CREBBP: variants seen among roughly 807,000 people sequenced by gnomAD.
CREBBP encodes the protein CREB binding lysine acetyltransferase.
In CREBBP, 19 loss-of-function variants were observed where a neutral mutation model predicts 265.0. That is an observed-to-expected ratio of 0.07 (90% confidence interval 0.05 to 0.11). The LOEUF (loss-of-function observed/expected upper bound fraction) is 0.11. Among genes scored for constraint, CREBBP ranks in the 10% least tolerant of loss-of-function variants. CREBBP has a pLI of 1.00. For synonymous variants in CREBBP, 1,457 were observed against 1,223.7 expected, an observed-to-expected ratio of 1.19 and a Z score of -3.98; for missense variants, 2,525 against 3,219.0, an observed-to-expected ratio of 0.78 and a Z score of 5.22.
intron 22 of CREBBP, 76 bp from the exon 23 acceptor site, chr16:3,745,037 ATAGT>A (rs2052308347): frequency 2.6e-6 from 3 of 1,136,200 alleles, no homozygotes; most frequent in Non-Finnish European, 4.0e-6. Context: ...CAGCATTCAG[ATAGT>A]TTGTTGGCAG....
intron 3 of CREBBP, among the ~76,000 whole-genome samples, chr16:3,808,146 G>T (rs2053867128): frequency 7.4e-6 from 1 of 135,522 alleles, no homozygotes. Context: ...GGAGAGGGAG[G>T]GATGAAAGAA....
Position 3,777,626 on chromosome 16 carries a change from C to G in CREBBP, c.2145G>C (p.Met715Ile), listed in dbSNP as rs1596906269. The change falls in exon 11 of 31, where the codon ATG becomes ATC. Residue 715 changes from methionine (M) to isoleucine (I), a missense_variant. Met to Ile is a conservative substitution (Grantham distance 10, BLOSUM62 1). This residue lies in a region of CREBBP where 548 missense variants were observed against 533.0 expected (regional missense o/e 1.03). Transcript: ENST00000262367. ...ACAGTTCAATACCTTGAGAAACTTGCATGCGATTCACTGGCAGGGACAGGG... is the reference window on the plus strand; with the variant it reads ...ACAGTTCAATACCTTGAGAAACTTGGATGCGATTCACTGGCAGGGACAGGG... ...NGPLSLPVNR[M>I]QVSQGMNSFN... 2 of 1,614,136 alleles carry G rather than the reference C, an allele frequency of 1.2e-6. No individual in the cohort carries two copies. Among genetic ancestry groups the G allele is most frequent in the Non-Finnish European group, 8.5e-7 (1 of 1,180,022 alleles).
chr16:3,830,493 G>T (rs1261542943), intron 2 of CREBBP, among the ~76,000 whole-genome samples: 1 of 151,870 alleles, frequency 6.6e-6, no homozygotes, highest in African/African-American at 2.4e-5. Context: ...TAAAGACAAA[G>T]AATATTAACA....
At position 3,782,919 on chromosome 16, in the gene CREBBP, C is replaced by A. The variant is rs767289235; in HGVS notation, c.1338G>T (p.Leu446=). ...TTTGAATTCCACTAGCTGGAGACCC[C>A]AGGATGGCTATAACGACAAACAGAC... ...ASDKRNQQTI[L]GSPASGIQNT... Residue 446 remains leucine, a synonymous_variant, in exon 6 of 31, where the codon CTG becomes CTT. Coordinates refer to ENST00000262367, the MANE Select transcript of CREBBP (RefSeq NM_004380.3). The A allele has an allele frequency of 2.5e-6, 4 of 1,614,118 alleles. No homozygotes were observed. The Admixed American group carries it at 6.7e-5, about 27-fold the overall frequency.
intron 3 of CREBBP, among the ~76,000 whole-genome samples, chr16:3,805,555 A>T (rs895327889): frequency 6.6e-6 from 1 of 152,244 alleles, no homozygotes; most frequent in Non-Finnish European, 1.5e-5. Flanking sequence ...GACAACAGAG[A>T]GAGATCCTGG....
In CREBBP at chr16:3,728,426, TTGCTGCTGCTGTTGC is replaced by T. The variant is rs1555470941; in HGVS notation, c.6606_6620del (p.Gln2212_Gln2216del). 2.5e-6 allele frequency: 4 copies of T among 1,612,398 alleles called. No homozygotes were observed. The highest frequency in any genetic ancestry group is 1.1e-5 in the South Asian group (1 of 90,944). ...GCTGCTGCTGCTGTTGCTGCTGTTG[TTGCTGCTGCTGTTGC>T]TGCTGCTGCTGCAGCAGCTGCCTCC... On this transcript the variant is annotated inframe_deletion, in exon 31 of 31. Transcript: ENST00000262367. The surrounding 1 kb of genome is among the most constrained non-coding windows in gnomAD (Gnocchi z 8.7).
At chr16:3,851,064 A>C in intron 1 of CREBBP, 55 bp from the exon 2 acceptor site, 2 of 1,450,932 alleles carry the variant, frequency 1.4e-6, no homozygotes, top group Non-Finnish European at 1.9e-6. Context: ...ACAGCTCTCC[A>C]ACTGCCACGT....
chr16:3,855,602 T>C lies in CREBBP; in HGVS notation c.86-4593A>G, dbSNP rs573108277. Among the ~76,000 whole-genome samples the C allele has an allele frequency of 2.4e-4, 37 of 152,336 alleles. 1 individual carries two copies. In the South Asian group the frequency reaches 5.8e-3, roughly 24 times the overall value. On this transcript the variant is annotated intron_variant, in intron 1 of 30. Coordinates refer to ENST00000262367, the MANE Select transcript of CREBBP (RefSeq NM_004380.3). ...TTTGAAGAATAGAGGCCAGTTGTTA[T>C]TGTAGAAGGTCCTTCAATTTGGGGT...
In CREBBP at chr16:3,744,947, T is replaced by C. The variant is rs558051943; in HGVS notation, c.3929A>G (p.Asn1310Ser). ...AGGTCTGCCAGTTTTCTTCAAGCAGTTGTCGCACACAAAACTGCAAAATAA... is the reference window on the plus strand; with the variant it reads ...AGGTCTGCCAGTTTTCTTCAAGCAGCTGTCGCACACAAAACTGCAAAATAA... The part of the protein sequence containing the change: ...IIWPSGFVCD[N>S]CLKKTGRPRK... Residue 1310 changes from asparagine (N) to serine (S), a missense_variant, in exon 23 of 31, where the codon AAC (asparagine) becomes AGC (serine). Asn to Ser is a conservative substitution (Grantham distance 46). Around this residue, in one of 19 missense-constraint regions of CREBBP, gnomAD observed 252 missense variants for 452.5 expected, o/e 0.56. Transcript: ENST00000262367. 2.9e-5 allele frequency: 47 copies of C among 1,613,870 alleles called. No homozygotes were observed. The highest frequency in any genetic ancestry group is 2.5e-4 in the East Asian group (11 of 44,888).
chr16:3,818,128 T>C (rs1229067889), intron 2 of CREBBP, among the ~76,000 whole-genome samples: 1 of 151,940 alleles, frequency 6.6e-6, no homozygotes, highest in Non-Finnish European at 1.5e-5. Flanking sequence ...AAGAAGGGGT[T>C]GACCATAACC....
intron 3 of CREBBP, among the ~76,000 whole-genome samples, chr16:3,799,066 G>A (rs2053662099): frequency 6.6e-6 from 1 of 152,218 alleles, no homozygotes; most frequent in Non-Finnish European, 1.5e-5. Context: ...AAAGAAGCCA[G>A]TCACAAAAGA....
At position 3,777,657 on chromosome 16, in the gene CREBBP, T is replaced by C. The variant is rs1474330488; in HGVS notation, c.2114A>G (p.Asn705Ser). 5.0e-6 allele frequency: 8 copies of C among 1,613,956 alleles called. No homozygotes were observed. Among genetic ancestry groups the C allele is most frequent in the East Asian group, 4.5e-5 (2 of 44,904 alleles). ...ATTCACTGGCAGGGACAGGGGTCCA[T>C]CTATGGTGGCAAAACAAAAACAAAA... The part of the protein sequence containing the change: ...IPQAQPVRPP[N>S]GPLSLPVNRM... The change falls in exon 11 of 31, where the codon AAT becomes AGT. Residue 705 changes from asparagine (N) to serine (S), a missense_variant and splice_region_variant. Asn to Ser is a conservative substitution (Grantham distance 46). This residue lies in a region of CREBBP where 548 missense variants were observed against 533.0 expected (regional missense o/e 1.03). Coordinates refer to ENST00000262367, the MANE Select transcript of CREBBP (RefSeq NM_004380.3).
At chr16:3,859,261 T>C (rs1479825222) in intron 1 of CREBBP, among the ~76,000 whole-genome samples, 4 of 152,160 alleles carry the variant, frequency 2.6e-5, no homozygotes, top group Admixed American at 1.3e-4. Flanking sequence ...GGCACGATCT[T>C]GGCTCACTGC....
In CREBBP at chr16:3,793,403, G is replaced by C. The variant is rs2141285194; in HGVS notation, c.1199C>G (p.Ala400Gly). 6.2e-7 allele frequency: 1 copy of C among 1,614,044 alleles called. No homozygotes were observed. The highest frequency in any genetic ancestry group is 8.5e-7 in the Non-Finnish European group (1 of 1,179,986). The change falls in exon 4 of 31, where the codon GCT becomes GGT. Residue 400 changes from alanine (A) to glycine (G), a missense_variant. By Grantham distance (60) the Ala-to-Gly change is moderately conservative. Transcript: ENST00000262367. ...NVLNHMTHCQ[A>G]GKACQVAHCA... ...GCACTTACCTTGGCAGGCTTTCCCAGCCTGACAATGCGTCATGTGATTCAA... is the reference window on the plus strand; with the variant it reads ...GCACTTACCTTGGCAGGCTTTCCCACCCTGACAATGCGTCATGTGATTCAA...
chr16:3,781,010 TAA>T, intron 7 of CREBBP, 132 bp from the exon 8 acceptor site: 5 of 1,166,874 alleles, frequency 4.3e-6, no homozygotes, highest in Non-Finnish European at 3.8e-6. Flanking sequence ...TGTAAATAAA[TAA>T]AACTTAAACT....
At chr16:3,806,978 A>G (rs981924194) in intron 3 of CREBBP, among the ~76,000 whole-genome samples, 1 of 152,140 alleles carries the variant, frequency 6.6e-6, no homozygotes, top group African/African-American at 2.4e-5. Flanking sequence ...CTCCATCTAA[A>G]GAGGTCCCTA....
In CREBBP at chr16:3,728,941, G is replaced by A. The variant is rs2051830181; in HGVS notation, c.6106C>T (p.Pro2036Ser). Residue 2036 changes from proline (P) to serine (S), a missense_variant, in exon 31 of 31, where the codon CCC (proline) becomes TCC (serine). Coordinates refer to ENST00000262367, the MANE Select transcript of CREBBP (RefSeq NM_004380.3). This position sits in a 1 kb window ranked among gnomAD's most constrained non-coding sequence, Gnocchi z 8.7. ...LPQQQPMPGL[P>S]RPVISMQAQA... ...GCCTGCATGGATATCACAGGCCTGGGCAAGCCTGGCATGGGCTGCTGCTGG... is the reference window on the plus strand; with the variant it reads ...GCCTGCATGGATATCACAGGCCTGGACAAGCCTGGCATGGGCTGCTGCTGG... 2.5e-6 allele frequency: 4 copies of A among 1,600,852 alleles called. No homozygotes were observed. Among genetic ancestry groups the A allele is most frequent in the Non-Finnish European group, 3.4e-6 (4 of 1,177,982 alleles).
At chr16:3,820,637 G>A (rs1016325406) in intron 2 of CREBBP, among the ~76,000 whole-genome samples, 5 of 152,150 alleles carry the variant, frequency 3.3e-5, no homozygotes, top group Non-Finnish European at 7.3e-5. Flanking sequence ...TCCCAGGCAC[G>A]AGGATTGCTT....
At chr16:3,765,925 C>G (rs1463143220) in intron 16 of CREBBP, among the ~76,000 whole-genome samples, 1 of 152,100 alleles carries the variant, frequency 6.6e-6, no homozygotes, top group Non-Finnish European at 1.5e-5. Context: ...TTCCTGGGCT[C>G]AAGCAATCCT....
Sources: gnomAD v4.1 joint callset for allele counts (sites outside exome capture counted in the v4.1 genomes callset) on GRCh38, gnomAD v4.1.1 for gene constraint, gnomAD v4.1.1 regional missense constraint, Gnocchi (gnomAD v3.1) non-coding constraint, MANE v1.5 for transcripts, NCBI Gene and HGNC (gene_info 2026-07-23, HGNC 2026-07-21) for gene names.